XKR4: variants seen among roughly 807,000 people sequenced by gnomAD.
XKR4 encodes the protein XK related 4.
Under a neutral mutation model 53.9 loss-of-function variants are expected in XKR4, and 12 were observed. The ratio of observed to expected loss-of-function variants is 0.22; its 90% CI spans 0.14 to 0.36. The LOEUF is 0.36. XKR4 is among the 10% of genes least tolerant of loss of function. The probability of loss-of-function intolerance (pLI) is 1.00; values close to 1 mark genes in which losing one functional copy is unlikely to be tolerated. For synonymous variants in XKR4, 354 were observed against 362.4 expected (o/e 0.98, Z 0.26); for missense variants, 799 against 859.5 (o/e 0.93, Z 0.88).
intron 2 of XKR4, among the ~76,000 whole-genome samples, chr8:55,463,948 G>C (rs1354398271): frequency 6.6e-6 from 1 of 152,086 alleles, no homozygotes; most frequent in Non-Finnish European, 1.5e-5. Context: ...TCTCTGAATA[G>C]ACCAATAACA....
rs1033582988 is a variant in XKR4, at chr8:55,450,233, C to T, written c.1007-73048C>T. ...CAGCACCTGCTCTGGGGAGCGCCTCCGTCAAACCGTTCTTCCTCAGGGGCT... is the reference window on the plus strand; with the variant it reads ...CAGCACCTGCTCTGGGGAGCGCCTCTGTCAAACCGTTCTTCCTCAGGGGCT... On this transcript the variant is annotated intron_variant, in intron 2 of 2. Transcript: ENST00000327381. 3 of 642,382 alleles carry T rather than the reference C, an allele frequency of 4.7e-6. No homozygotes were observed. In the African/African-American group the frequency reaches 5.5e-5, roughly 12 times the overall value. The allele number at this position is 642,382 out of a possible 1,614,324, so 39.8% of individuals were successfully genotyped here. A position where few individuals can be genotyped will look rare whatever the true frequency, so the allele number is the denominator to read the frequency against.
chr8:55,537,055 G>C lies in XKR4; in HGVS notation c.*12828G>C, dbSNP rs918796026. ...AAATTGCTTGACAAAATTATTTCAT[G>C]GTGAATTTTATAAGGTTGATAGAAG... On this transcript the variant is annotated 3_prime_UTR_variant, in exon 3 of 3. Transcript: ENST00000327381. 6.6e-6 allele frequency: 1 copy of C among 151,966 alleles called. No individual in the cohort carries two copies. Among genetic ancestry groups the C allele is most frequent in the African/African-American group, 2.4e-5 (1 of 41,340 alleles). 9.4% of individuals were successfully genotyped at this position (151,966 alleles called of 1,614,324 possible).
At chr8:55,435,549 C>A (rs1013201138) in intron 2 of XKR4, among the ~76,000 whole-genome samples, 1 of 150,678 alleles carries the variant, frequency 6.6e-6, no homozygotes, top group African/African-American at 2.4e-5. Flanking sequence ...TAATAGGCAA[C>A]CTCTTTTTTT....
intron 1 of XKR4, among the ~76,000 whole-genome samples, chr8:55,162,980 T>C (rs1371581745): frequency 6.6e-6 from 1 of 152,210 alleles, no homozygotes; most frequent in Non-Finnish European, 1.5e-5. Flanking sequence ...AAATATATAA[T>C]ATTGTAAAAT....
chr8:55,268,515 ATTAGGTTTT>A (rs1818643043), intron 1 of XKR4, among the ~76,000 whole-genome samples: 1 of 152,182 alleles, frequency 6.6e-6, no homozygotes, highest in Admixed American at 6.5e-5. Context: ...GCATTACATA[ATTAGGTTTT>A]TAAAATTCAG....
intron 1 of XKR4, among the ~76,000 whole-genome samples, chr8:55,104,872 C>T (rs761539354): frequency 3.3e-5 from 5 of 152,148 alleles, no homozygotes; most frequent in Non-Finnish European, 5.9e-5. Context: ...TGATGAAGGA[C>T]TTAAGTGCTT....
At chr8:55,374,191 A>G (rs1377613495) in intron 2 of XKR4, among the ~76,000 whole-genome samples, 1 of 152,260 alleles carries the variant, frequency 6.6e-6, no homozygotes, top group Non-Finnish European at 1.5e-5. Flanking sequence ...ATATTACAAA[A>G]TATAATAATG....
chr8:55,127,042 C>A (rs1459068714), intron 1 of XKR4, among the ~76,000 whole-genome samples: 1 of 152,112 alleles, frequency 6.6e-6, no homozygotes, highest in African/African-American at 2.4e-5. Flanking sequence ...TCATACATAG[C>A]AAGTGATGAG....
chr8:55,210,721 G>A (rs1817719697), intron 1 of XKR4, among the ~76,000 whole-genome samples: 2 of 152,314 alleles, frequency 1.3e-5, no homozygotes, highest in African/African-American at 4.8e-5. Flanking sequence ...AATGTAATAA[G>A]TGAAAGAAAG....
intron 1 of XKR4, among the ~76,000 whole-genome samples, chr8:55,177,645 C>T (rs1817253031): frequency 6.6e-6 from 1 of 152,220 alleles, no homozygotes; most frequent in Non-Finnish European, 1.5e-5. Flanking sequence ...AACATGTTCT[C>T]TTTGTCATTC....
chr8:55,451,427 T>C (rs548237506), intron 2 of XKR4: 14 of 1,174,870 alleles, frequency 1.2e-5, no homozygotes, highest in Non-Finnish European at 1.6e-5. Flanking sequence ...TAGCGGGGCA[T>C]GGAGCTGACA....
At chr8:55,281,617 A>G (rs138348084) in intron 1 of XKR4, among the ~76,000 whole-genome samples, 103 of 152,364 alleles carry the variant, frequency 6.8e-4, no homozygotes, top group African/African-American at 2.4e-3. Context: ...TACAGACTGC[A>G]TGGAGAAAAC....
At position 55,526,662 on chromosome 8, in the gene XKR4, C is replaced by A. The variant is rs978513792; in HGVS notation, c.*2435C>A. The A allele has an allele frequency of 2.6e-5, 4 of 152,156 alleles. No homozygotes were observed. In the East Asian group the frequency reaches 7.7e-4, roughly 29 times the overall value. 9.4% of individuals were successfully genotyped at this position (152,156 alleles called of 1,614,324 possible). A position where few individuals can be genotyped will look rare whatever the true frequency, so the allele number is the denominator to read the frequency against. On this transcript the variant is annotated 3_prime_UTR_variant, in exon 3 of 3. Transcript: ENST00000327381. ...ATTGAGTTTCTCAGTTGAACTGTAC[C>A]TTTGATTCTATGAGTAAATCACAGA...
chr8:55,186,162 G>A (rs535302934), intron 1 of XKR4, among the ~76,000 whole-genome samples: 1 of 152,226 alleles, frequency 6.6e-6, no homozygotes, highest in South Asian at 2.1e-4. Context: ...TAATGTGAAA[G>A]ATCAACAAGT....
intron 1 of XKR4, among the ~76,000 whole-genome samples, chr8:55,118,998 T>A (rs1018579958): frequency 6.6e-6 from 1 of 152,170 alleles, no homozygotes; most frequent in African/African-American, 2.4e-5. Context: ...TGTAGTTATA[T>A]AGGTTAGGAT....
chr8:55,329,159 G>GCCCCTC (rs1413707465), intron 1 of XKR4, among the ~76,000 whole-genome samples: 3 of 152,068 alleles, frequency 2.0e-5, no homozygotes, highest in Admixed American at 1.3e-4. Flanking sequence ...CCCTGCCCCT[G>GCCCCTC]CCCCAGGATA....
intron 2 of XKR4, among the ~76,000 whole-genome samples, chr8:55,483,242 AC>A (rs1806140171): frequency 6.6e-6 from 1 of 152,182 alleles, no homozygotes; most frequent in Non-Finnish European, 1.5e-5. Flanking sequence ...TATAATTTCA[AC>A]TACAAACTTT....
chr8:55,482,114 C>T (rs1314656195), intron 2 of XKR4, among the ~76,000 whole-genome samples: 13 of 152,042 alleles, frequency 8.6e-5, no homozygotes, highest in Non-Finnish European at 1.2e-4. Context: ...TATTGCGGCA[C>T]TATTCACAAT....
intron 1 of XKR4, among the ~76,000 whole-genome samples, chr8:55,190,968 G>A (rs926757173): frequency 6.6e-6 from 1 of 152,146 alleles, no homozygotes; most frequent in Non-Finnish European, 1.5e-5. Context: ...CAACCTTTTC[G>A]TTTTAGCAAA....
Sources: allele counts gnomAD v4.1 joint callset (sites outside exome capture counted in the v4.1 genomes callset), GRCh38; gene constraint gnomAD v4.1.1; transcripts MANE v1.5; gene names NCBI Gene and HGNC (gene_info 2026-07-23, HGNC 2026-07-21).